PSG11: variants seen among roughly 807,000 people sequenced by gnomAD.
PSG11 encodes pregnancy-specific beta-1-glycoprotein 11.
A neutral mutation model predicts 36.0 loss-of-function variants in PSG11; 42 were observed. The observed-to-expected ratio is 1.17, with a 90% CI of 0.91 to 1.51. The LOEUF (loss-of-function observed/expected upper bound fraction) is 1.51. Ranked by LOEUF, PSG11 falls within the 40% of genes most tolerant of loss-of-function variation. The probability of loss-of-function intolerance (pLI) is 0.00; values close to 1 mark genes in which losing one functional copy is unlikely to be tolerated. For synonymous variants in PSG11, 206 were observed against 153.5 expected (o/e 1.34, Z -2.53); for missense variants, 558 against 403.5 (o/e 1.38, Z -3.28).
At chr19:43,015,579 A>G (rs1358292554) in intron 3 of PSG11, among the ~76,000 whole-genome samples, 6 of 151,354 alleles carry the variant, frequency 4.0e-5, no homozygotes, top group Non-Finnish European at 7.4e-5. Context: ...TGACAAGAGC[A>G]TCCCCTCTCC....
chr19:43,018,909 A>G lies in PSG11; in HGVS notation c.570T>C (p.Thr190=). ...TGGTTTCAGACAGCTGCATCCTATG[A>G]GTCATAGGGAGGCTCTGACCATTCA... is the stretch of plus-strand genomic sequence containing the variant. The part of the protein sequence containing the change: ...WWMNGQSLPM[T]HRMQLSETNR... The change falls in exon 3 of 6, where the codon ACT becomes ACC. Residue 190 remains threonine (T), a synonymous_variant. Transcript: ENST00000320078. 6.2e-7 allele frequency: 1 copy of G among 1,612,010 alleles called. No homozygotes were observed.
intron 2 of PSG11, among the ~76,000 whole-genome samples, chr19:43,020,895 G>A (rs144303870): frequency 2.6e-5 from 4 of 151,538 alleles, no homozygotes; most frequent in African/African-American, 9.7e-5. Flanking sequence ...TTCATTTTCT[G>A]TTAAGCTCAG....
At chr19:43,018,553 AC>A (rs1967022578) in intron 3 of PSG11, 1 of 1,114,796 alleles carries the variant, frequency 9.0e-7, no homozygotes, top group Non-Finnish European at 1.3e-6. Context: ...CAATCTGTGG[AC>A]CCTGAGCCTC....
intron 2 of PSG11, among the ~76,000 whole-genome samples, chr19:43,022,458 C>G (rs914111235): frequency 2.6e-5 from 4 of 151,312 alleles, no homozygotes; most frequent in South Asian, 2.1e-4. Context: ...TAGTCCTGTG[C>G]CCCTGAAACT....
At chr19:43,019,073 T>G (rs1322994421) in intron 2 of PSG11, 25 bp from the exon 3 acceptor site, 3 of 1,603,854 alleles carry the variant, frequency 1.9e-6, no homozygotes, top group Non-Finnish European at 1.7e-6. Flanking sequence ...GAGAGAAGAT[T>G]GCCCTGTGTG....
chr19:43,023,992 C>G (rs1967170991), intron 2 of PSG11, among the ~76,000 whole-genome samples: 1 of 151,480 alleles, frequency 6.6e-6, no homozygotes, highest in African/African-American at 2.4e-5. Flanking sequence ...CTTCTCTCTT[C>G]TGTTTCTGCT....
rs1445769472 is a variant in PSG11 at position 43,014,344 on chromosome 19, T to C, written c.964+772A>G. 5.5e-6 allele frequency: 5 copies of C among 915,666 alleles called. No individual in the cohort carries two copies. The African/African-American group carries it at 7.3e-5, about 13-fold the overall frequency. 56.7% of individuals were successfully genotyped at this position (915,666 alleles called of 1,614,324 possible). On this transcript the variant is annotated intron_variant, in intron 4 of 5. Coordinates refer to ENST00000320078, the MANE Select transcript of PSG11 (RefSeq NM_002785.3). Reference sequence around the variant, plus strand: ...TGCCATGCAGAGCCCCAGGGGTGAATCTTCCTATTTCTCCAGCTCTGCATC... The same window carrying C: ...TGCCATGCAGAGCCCCAGGGGTGAACCTTCCTATTTCTCCAGCTCTGCATC...
intron 5 of PSG11, 152 bp from the exon 6 acceptor site, chr19:43,008,194 T>G: frequency 4.1e-6 from 1 of 245,168 alleles, no homozygotes; most frequent in Admixed American, 5.7e-5. Flanking sequence ...CACATAGAAA[T>G]CTAGTTACTT....
At position 43,010,196 on chromosome 19, in the gene PSG11, T is replaced by C. The variant is rs1974038323; in HGVS notation, c.965-155A>G. ...AAATTGATGGGAGATGATTATATTC[T>C]TGCAGTTTTTTTTCCCTCTCACCAT... On this transcript the variant is annotated intron_variant, in intron 4 of 5. Transcript: ENST00000320078. 2.1e-6 allele frequency: 3 copies of C among 1,453,204 alleles called. No individual in the cohort carries two copies. In the East Asian group the frequency reaches 7.6e-5, roughly 37 times the overall value. The allele number at this position is 1,453,204 out of a possible 1,614,324, so 90.0% of individuals were successfully genotyped here. A position where few individuals can be genotyped will look rare whatever the true frequency, so the allele number is the denominator to read the frequency against.
chr19:43,025,352 G>GCC (rs199682449), intron 1 of PSG11: 1 of 430,870 alleles, frequency 2.3e-6, no homozygotes, highest in Middle Eastern at 6.7e-4. Context: ...GGTCCGCATG[G>GCC]CCCCCTCCAC....
chr19:43,020,369 G>T (rs1389438487), intron 2 of PSG11, among the ~76,000 whole-genome samples: 1 of 151,378 alleles, frequency 6.6e-6, no homozygotes, highest in Non-Finnish European at 1.5e-5. Context: ...GTGGTCAGAA[G>T]TGTAAAGTTT....
chr19:43,025,655 G>GT lies in PSG11; in HGVS notation c.65-600dup, dbSNP rs11346416. ...TCTCAGGGCCGTCCACGCCCTGGGT[G>GT]TTTTTTTTTTTTTCCCCAATTGTTG... On this transcript the variant is annotated intron_variant, in intron 1 of 5. Coordinates refer to ENST00000320078, the MANE Select transcript of PSG11 (RefSeq NM_002785.3). Among the ~76,000 whole-genome samples, 135 of 144,824 alleles carry GT rather than the reference G, an allele frequency of 9.3e-4. 4 individuals carry two copies. The highest frequency in any genetic ancestry group is 1.3e-3 in the South Asian group (6 of 4,546).
chr19:43,020,074 G>A (rs940413278), intron 2 of PSG11, among the ~76,000 whole-genome samples: 2 of 151,374 alleles, frequency 1.3e-5, no homozygotes, highest in Admixed American at 1.3e-4. Context: ...GTGTAGAATA[G>A]TAGTTTCCAG....
chr19:43,024,033 C>T (rs538013329), intron 2 of PSG11, among the ~76,000 whole-genome samples: 2 of 151,502 alleles, frequency 1.3e-5, no homozygotes, highest in South Asian at 2.1e-4. Context: ...TATGGACTGT[C>T]CTAAGCCTCC....
At chr19:43,015,841 G>C (rs987927018) in intron 3 of PSG11, 1 of 1,610,054 alleles carries the variant, frequency 6.2e-7, no homozygotes, top group Non-Finnish European at 8.5e-7. Context: ...ATAGGGTCCT[G>C]TTTCATTTCT....
chr19:43,021,786 A>G (rs1178020175), intron 2 of PSG11, among the ~76,000 whole-genome samples: 1 of 151,608 alleles, frequency 6.6e-6, no homozygotes, highest in African/African-American at 2.4e-5. Context: ...CAGAGAATGT[A>G]AGCTCCATAG....
At chr19:43,023,410 CCTCT>C (rs1967152633) in intron 2 of PSG11, among the ~76,000 whole-genome samples, 1 of 150,930 alleles carries the variant, frequency 6.6e-6, no homozygotes, top group Non-Finnish European at 1.5e-5. Context: ...TCTCCTTGAT[CCTCT>C]CATGACAGTG....
At position 43,016,504 on chromosome 19, in the gene PSG11, C is replaced by A. The variant is rs935983044; in HGVS notation, c.710-1134G>T. On this transcript the variant is annotated intron_variant, in intron 3 of 5. Transcript: ENST00000320078. ...AGAGATCAGTAATAATGGGACTTCC[C>A]ATTGTCCTGAAACCCTGAAGATACT... 2.6e-5 allele frequency among the ~76,000 whole-genome samples: 4 copies of A among 151,204 alleles called. 1 individual carries two copies. Among genetic ancestry groups the A allele is most frequent in the Non-Finnish European group, 5.9e-5 (4 of 67,848 alleles).
At chr19:43,017,674 A>G (rs949031017) in intron 3 of PSG11, 8 of 151,406 alleles carry the variant, frequency 5.3e-5, no homozygotes, top group Non-Finnish European at 1.2e-4. Flanking sequence ...TAGGGGTTGC[A>G]TTGAATCTGC....
Sources: allele counts gnomAD v4.1 joint callset (sites outside exome capture counted in the v4.1 genomes callset), GRCh38; gene constraint gnomAD v4.1.1; transcripts MANE v1.5; gene names NCBI Gene and HGNC (gene_info 2026-07-23, HGNC 2026-07-21).